The following SBF2 variants were observed in gnomAD, a reference collection of about 807,000 sequenced individuals.
SBF2 encodes the protein SET binding factor 2.
In SBF2, 112 loss-of-function variants were observed where a neutral mutation model predicts 225.2. That is an observed-to-expected ratio of 0.50 (90% CI 0.43 to 0.58). SBF2 has a LOEUF of 0.58. SBF2 is among the 20% of genes least tolerant of loss of function. SBF2 has a pLI of 0.00. For synonymous variants in SBF2, 763 were observed against 773.3 expected, an observed-to-expected ratio of 0.99 and a Z score of 0.22; for missense variants, 1,996 against 2,206.2, an observed-to-expected ratio of 0.90 and a Z score of 1.91.
rs1002505061 is a variant in SBF2, at chr11:9,852,721, T to C, written c.2565A>G (p.Leu855=). Residue 855 remains leucine (L), a synonymous_variant, in exon 21 of 40, where the codon CTA becomes CTG. Transcript: ENST00000256190. ...PGIVAMHIET[L]EAVHRESRRL... ...TTCTGCTTTCTCGATGTACTGCTTCTAGGGTCTCAATGTGCATAGCTACAA... is the reference window on the plus strand; with the variant it reads ...TTCTGCTTTCTCGATGTACTGCTTCCAGGGTCTCAATGTGCATAGCTACAA... The C allele has an allele frequency of 3.1e-6, 5 of 1,613,292 alleles. No individual in the cohort carries two copies. Among genetic ancestry groups the C allele is most frequent in the Non-Finnish European group, 4.2e-6 (5 of 1,179,404 alleles).
At chr11:10,044,868 C>A (rs1339293339) in intron 2 of SBF2, among the ~76,000 whole-genome samples, 2 of 152,144 alleles carry the variant, frequency 1.3e-5, no homozygotes, top group Non-Finnish European at 2.9e-5. Flanking sequence ...CAGGGAGCAC[C>A]CTTCTGCAGA....
intron 28 of SBF2, 61 bp from the exon 29 acceptor site, chr11:9,817,085 G>A: frequency 6.4e-7 from 1 of 1,571,106 alleles, no homozygotes; most frequent in African/African-American, 1.3e-5. Context: ...ACTAACTAAG[G>A]AAAAAGGTGC....
chr11:9,959,914 C>T (rs1866452698), intron 16 of SBF2: 2 of 336,784 alleles, frequency 5.9e-6, no homozygotes, highest in South Asian at 5.9e-5. Flanking sequence ...CTCGGCTCTG[C>T]CTTTTAAGAT....
intron 3 of SBF2, among the ~76,000 whole-genome samples, chr11:10,041,388 A>T (rs1949651079): frequency 6.6e-6 from 1 of 152,138 alleles, no homozygotes; most frequent in South Asian, 2.1e-4. Flanking sequence ...GTAATCTCTA[A>T]CTTCAAATAG....
chr11:10,094,903 G>T (rs1951952686), intron 2 of SBF2, among the ~76,000 whole-genome samples: 1 of 150,184 alleles, frequency 6.7e-6, no homozygotes. Context: ...GACTCATGAA[G>T]CATAAAAAAA....
intron 2 of SBF2, among the ~76,000 whole-genome samples, chr11:10,079,354 C>G (rs1377110986): frequency 1.3e-5 from 2 of 152,124 alleles, no homozygotes; most frequent in Non-Finnish European, 1.5e-5. Flanking sequence ...CAGGATATGA[C>G]TGAGAAATTC....
chr11:9,981,971 T>G (rs751355463), intron 13 of SBF2, among the ~76,000 whole-genome samples: 5 of 152,186 alleles, frequency 3.3e-5, no homozygotes, highest in Non-Finnish European at 7.3e-5. Context: ...GCAGAAGAAA[T>G]AAGGAACACT....
At chr11:10,049,378 G>T (rs915993758) in intron 2 of SBF2, among the ~76,000 whole-genome samples, 1 of 152,142 alleles carries the variant, frequency 6.6e-6, no homozygotes, top group Non-Finnish European at 1.5e-5. Flanking sequence ...AGGCTGAAGT[G>T]AGTGGATCAC....
intron 35 of SBF2, among the ~76,000 whole-genome samples, chr11:9,788,371 G>A (rs1025891684): frequency 2.0e-5 from 3 of 152,132 alleles, no homozygotes; most frequent in African/African-American, 7.2e-5. Context: ...ACTGCCAGGA[G>A]GGGTTGGTTC....
chr11:10,226,725 A>G (rs995157475), intron 1 of SBF2, among the ~76,000 whole-genome samples: 2 of 152,184 alleles, frequency 1.3e-5, no homozygotes, highest in African/African-American at 2.4e-5. Context: ...AATCCAGTCT[A>G]TCATTGTTGG....
chr11:9,894,504 G>A (rs1437571167), intron 17 of SBF2, among the ~76,000 whole-genome samples: 2 of 149,408 alleles, frequency 1.3e-5, no homozygotes, highest in Non-Finnish European at 3.0e-5. Context: ...GCGACAGAGC[G>A]AGACCCTGTC....
chr11:10,123,398 A>C (rs1953574681), intron 2 of SBF2, among the ~76,000 whole-genome samples: 1 of 152,188 alleles, frequency 6.6e-6, no homozygotes, highest in Admixed American at 6.5e-5. Flanking sequence ...ATCTGTCTTT[A>C]ACATTACTAG....
chr11:10,085,221 C>G (rs184132528), intron 2 of SBF2, among the ~76,000 whole-genome samples: 5 of 152,286 alleles, frequency 3.3e-5, no homozygotes, highest in Admixed American at 1.3e-4. Flanking sequence ...CTTTTGTTCT[C>G]AAAACCTTTT....
At chr11:10,192,529 C>T (rs890925402) in intron 2 of SBF2, among the ~76,000 whole-genome samples, 2 of 152,154 alleles carry the variant, frequency 1.3e-5, no homozygotes, top group Non-Finnish European at 2.9e-5. Flanking sequence ...GTTGAACAAA[C>T]AGCAACAATA....
intron 12 of SBF2, among the ~76,000 whole-genome samples, chr11:9,992,147 C>T (rs1947467232): frequency 6.6e-6 from 1 of 152,066 alleles, no homozygotes; most frequent in African/African-American, 2.4e-5. Flanking sequence ...TTTTAGTGCA[C>T]TCATCACCTG....
chr11:9,795,698 C>T (rs1165272647), intron 33 of SBF2, 133 bp downstream of exon 33: 2 of 1,122,286 alleles, frequency 1.8e-6, no homozygotes, highest in Admixed American at 1.9e-5. Context: ...CTTATCCACT[C>T]CTCTACATTC....
At chr11:9,791,609 C>A (rs550106473) in intron 33 of SBF2, among the ~76,000 whole-genome samples, 6 of 152,170 alleles carry the variant, frequency 3.9e-5, no homozygotes, top group Non-Finnish European at 8.8e-5. Flanking sequence ...CCAGGTCTCA[C>A]CTCAGACCAA....
intron 16 of SBF2, among the ~76,000 whole-genome samples, chr11:9,942,261 T>C (rs1221800690): frequency 6.6e-6 from 1 of 152,144 alleles, no homozygotes; most frequent in Non-Finnish European, 1.5e-5. Flanking sequence ...GAGACAGGGT[T>C]TCGCCATGTT....
intron 2 of SBF2, among the ~76,000 whole-genome samples, chr11:10,069,510 T>C (rs928626986): frequency 2.6e-5 from 4 of 152,202 alleles, no homozygotes; most frequent in East Asian, 3.8e-4. Context: ...TATGGCTGCA[T>C]AGTATTCTAT....
Sources: allele counts gnomAD v4.1 joint callset (sites outside exome capture counted in the v4.1 genomes callset), GRCh38; gene constraint gnomAD v4.1.1; transcripts MANE v1.5; gene names NCBI Gene and HGNC (gene_info 2026-07-23, HGNC 2026-07-21).